RALYL: variants seen among roughly 807,000 people sequenced by gnomAD.
The protein encoded by RALYL is RALY RNA binding protein like, also known as RNA-binding Raly-like protein.
RALYL carries 29 observed loss-of-function variants against 35.1 expected under a neutral mutation model. The observed-to-expected ratio is 0.83, with a 90% confidence interval of 0.61 to 1.13. The LOEUF is 1.13. RALYL is among the 50% of genes most tolerant of loss of function. The probability of loss-of-function intolerance (pLI) is 0.00; values close to 1 mark genes in which losing one functional copy is unlikely to be tolerated. For synonymous variants in RALYL, 120 were observed against 127.6 expected, an observed-to-expected ratio of 0.94 and a Z score of 0.40; for missense variants, 359 against 360.4, an observed-to-expected ratio of 1.00 and a Z score of 0.03.
chr8:84,306,121 G>A (rs191524730), intron 1 of RALYL, among the ~76,000 whole-genome samples: 2,768 of 151,022 alleles, frequency 0.018, 36 homozygotes, highest in South Asian at 0.03. Flanking sequence ...CTGAGATTGC[G>A]CCACTGCACC....
chr8:84,404,615 A>G (rs1240097652), intron 1 of RALYL, among the ~76,000 whole-genome samples: 30 of 152,086 alleles, frequency 2.0e-4, no homozygotes, highest in Admixed American at 2.0e-3. Flanking sequence ...TTCATCAGGG[A>G]TGTTGGCCTG....
chr8:84,485,695 A>G, intron 1 of RALYL, among the ~76,000 whole-genome samples: 1 of 152,292 alleles, frequency 6.6e-6, no homozygotes, highest in East Asian at 1.9e-4. Flanking sequence ...AAAACCTTGG[A>G]ATTTTTCTTG....
chr8:84,863,927 T>A (rs1179639121), intron 6 of RALYL, among the ~76,000 whole-genome samples: 1 of 152,212 alleles, frequency 6.6e-6, no homozygotes, highest in Non-Finnish European at 1.5e-5. Context: ...CGTTGGAGGT[T>A]AGGTCACCCC....
chr8:84,338,365 A>G (rs1044649358), intron 1 of RALYL, among the ~76,000 whole-genome samples: 1 of 151,946 alleles, frequency 6.6e-6, no homozygotes, highest in Non-Finnish European at 1.5e-5. Flanking sequence ...AGAACATAGA[A>G]TAAGAATTGT....
At position 84,408,061 on chromosome 8, in the gene RALYL, C is replaced by A. The variant is rs2043728482; in HGVS notation, c.-23-121238C>A. 3.3e-5 allele frequency among the ~76,000 whole-genome samples: 5 copies of A among 151,790 alleles called. No homozygotes were observed. The South Asian group carries it at 8.3e-4, about 25-fold the overall frequency. ...AACCAAGAATAAGAACGCTATGAAA[C>A]CTTATTTTACTTAAAAAAAAGTTTT... On this transcript the variant is annotated intron_variant, in intron 1 of 8. Coordinates refer to ENST00000521268, the MANE Select transcript of RALYL (RefSeq NM_173848.7).
intron 2 of RALYL, among the ~76,000 whole-genome samples, chr8:84,730,929 G>A (rs772951445): frequency 1.3e-5 from 2 of 152,010 alleles, no homozygotes; most frequent in African/African-American, 2.4e-5. Context: ...TGGAATTTAG[G>A]TTAGTGAATA....
At chr8:84,287,121 A>G (rs995431681) in intron 1 of RALYL, among the ~76,000 whole-genome samples, 1 of 152,162 alleles carries the variant, frequency 6.6e-6, no homozygotes, top group African/African-American at 2.4e-5. Flanking sequence ...TTTCCTTTGG[A>G]GGAACTCAAG....
At chr8:84,235,761 C>CTTTTTTTTTTTTTT (rs200486763) in intron 1 of RALYL, among the ~76,000 whole-genome samples, 9 of 138,208 alleles carry the variant, frequency 6.5e-5, no homozygotes, top group African/African-American at 1.9e-4. Context: ...TTTTCTTTTT[C>CTTTTTTTTTTTTTT]TTTTTCTTTT....
intron 4 of RALYL, among the ~76,000 whole-genome samples, chr8:84,844,887 A>C (rs548011728): frequency 6.6e-6 from 1 of 151,614 alleles, no homozygotes; most frequent in African/African-American, 2.4e-5. Context: ...CAAACGCCAC[A>C]TGTTCTCACT....
chr8:84,555,579 T>G (rs2061056880), intron 2 of RALYL, among the ~76,000 whole-genome samples: 1 of 152,206 alleles, frequency 6.6e-6, no homozygotes, highest in Non-Finnish European at 1.5e-5. Context: ...AAACATTTCC[T>G]GAATCAGTGA....
chr8:84,363,604 G>A (rs1853559369), intron 1 of RALYL, among the ~76,000 whole-genome samples: 2 of 152,150 alleles, frequency 1.3e-5, no homozygotes, highest in Admixed American at 1.3e-4. Flanking sequence ...GAAGAGATTT[G>A]ATATTATTCT....
At chr8:84,353,205 C>T (rs1176660792) in intron 1 of RALYL, among the ~76,000 whole-genome samples, 1 of 150,012 alleles carries the variant, frequency 6.7e-6, no homozygotes, top group Non-Finnish European at 1.5e-5. Flanking sequence ...CGGACTGTTT[C>T]GAGGTGCTGG....
At chr8:84,822,278 A>G (rs762793283) in intron 4 of RALYL, among the ~76,000 whole-genome samples, 5 of 152,204 alleles carry the variant, frequency 3.3e-5, no homozygotes, top group Non-Finnish European at 4.4e-5. Flanking sequence ...TATCCAGCCC[A>G]TGGCAGGCTA....
chr8:84,359,090 A>G (rs1852421847), intron 1 of RALYL, among the ~76,000 whole-genome samples: 1 of 152,074 alleles, frequency 6.6e-6, no homozygotes, highest in African/African-American at 2.4e-5. Context: ...GTATTTAACC[A>G]TATGAATCCA....
chr8:84,731,338 A>T (rs75305519), intron 2 of RALYL, among the ~76,000 whole-genome samples: 3,394 of 152,244 alleles, frequency 0.022, 60 homozygotes, highest in Non-Finnish European at 0.036. Flanking sequence ...TCTTTTGAGG[A>T]TAAGGATCAG....
At chr8:84,838,588 A>G (rs2134516388) in intron 4 of RALYL, among the ~76,000 whole-genome samples, 1 of 152,340 alleles carries the variant, frequency 6.6e-6, no homozygotes, top group Middle Eastern at 3.4e-3. Flanking sequence ...TAACTTTGAC[A>G]GATAAAATTG....
intron 2 of RALYL, among the ~76,000 whole-genome samples, chr8:84,624,322 G>T (rs576678851): frequency 6.6e-6 from 1 of 152,200 alleles, no homozygotes. Flanking sequence ...GAAGCCTAAC[G>T]TGGGTTTTAC....
intron 1 of RALYL, among the ~76,000 whole-genome samples, chr8:84,455,383 GAGA>G (rs1258085691): frequency 2.6e-5 from 4 of 152,076 alleles, no homozygotes; most frequent in African/African-American, 4.8e-5. Flanking sequence ...CTCATTATGA[GAGA>G]AGAAGAAACC....
chr8:84,911,315 T>C (rs571690145), intron 8 of RALYL, among the ~76,000 whole-genome samples: 10 of 152,300 alleles, frequency 6.6e-5, no homozygotes, highest in East Asian at 5.8e-4. Flanking sequence ...GTATTTTCTA[T>C]ATAAGTAATA....
Sources: gnomAD v4.1 joint callset for allele counts (sites outside exome capture counted in the v4.1 genomes callset) on GRCh38, gnomAD v4.1.1 for gene constraint, MANE v1.5 for transcripts, NCBI Gene and HGNC (gene_info 2026-07-23, HGNC 2026-07-21) for gene names.